The following PRKAR1A variants were observed in gnomAD, a reference collection of about 807,000 sequenced individuals.
PRKAR1A encodes protein kinase cAMP-dependent type I regulatory subunit alpha.
A neutral mutation model predicts 52.0 loss-of-function variants in PRKAR1A; 3 were observed. That is an observed-to-expected ratio of 0.06 (90% CI 0.03 to 0.15). PRKAR1A has a LOEUF of 0.15. Ranked by LOEUF, PRKAR1A falls within the 10% of genes least tolerant of loss-of-function variation. The probability of loss-of-function intolerance (pLI) is 1.00; values close to 1 mark genes in which losing one functional copy is unlikely to be tolerated. For missense variants in PRKAR1A, 240 were observed against 477.4 expected (o/e 0.50, Z 4.63); for synonymous variants, 188 against 168.4 (o/e 1.12, Z -0.90).
chr17:68,464,916 G>A, the PRKAR1A span, among the ~76,000 whole-genome samples: 1,136 of 131,186 alleles, frequency 8.7e-3, 18 homozygotes, highest in African/African-American at 0.031. Context: ...AATGAAAAGG[G>A]TGAGGAAGTG....
At chr17:68,431,456 G>A in the PRKAR1A span, among the ~76,000 whole-genome samples, 1 of 152,084 alleles carries the variant, frequency 6.6e-6, no homozygotes. Flanking sequence ...GGTGGTGGCT[G>A]CTGGGCTCTG....
Position 68,522,803 on chromosome 17 carries a change from A to G in PRKAR1A, c.225A>G (p.Thr75=). The change falls in exon 3 of 11, where the codon ACA becomes ACG. Residue 75 remains threonine, a synonymous_variant. Coordinates refer to ENST00000589228, the MANE Select transcript of PRKAR1A (RefSeq NM_002734.5). ...ATCTGCAGAAAGCAGGCACTCGTAC[A>G]GACTCAAGGGAGGATGAGATTTCTC... The part of the protein sequence containing the change: ...IQNLQKAGTR[T]DSREDEISPP... The G allele has an allele frequency of 6.2e-7, 1 of 1,614,146 alleles. No individual in the cohort carries two copies.
chr17:68,442,855 C>A, the PRKAR1A span, among the ~76,000 whole-genome samples: 22 of 152,198 alleles, frequency 1.4e-4, no homozygotes, highest in Non-Finnish European at 2.9e-4. Context: ...TTGAAGGGAA[C>A]TCGTGACAAC....
the PRKAR1A span, among the ~76,000 whole-genome samples, chr17:68,452,550 GCAAGACT>G: frequency 6.6e-6 from 1 of 152,170 alleles, no homozygotes; most frequent in South Asian, 2.1e-4. Flanking sequence ...GGGTGATAGA[GCAAGACT>G]CCATCTCAAA....
At chr17:68,529,042 AT>A in intron 9 of PRKAR1A, 51 bp downstream of exon 9, 4 of 1,608,598 alleles carry the variant, frequency 2.5e-6, no homozygotes, top group Non-Finnish European at 3.4e-6. Flanking sequence ...AGAACTCAGA[AT>A]TTAATACTTT....
intron 11 of PRKAR1A, chr17:68,540,489 C>T (rs531836349): frequency 3.0e-5 from 14 of 471,476 alleles, no homozygotes; most frequent in East Asian, 6.6e-5. Context: ...CTTGTGTGTC[C>T]GTGGCCTCGC....
At chr17:68,473,427 A>G in the PRKAR1A span, among the ~76,000 whole-genome samples, 1 of 152,220 alleles carries the variant, frequency 6.6e-6, no homozygotes, top group African/African-American at 2.4e-5. Flanking sequence ...CTCACATAGA[A>G]CTGATTAGTG....
intron 11 of PRKAR1A, chr17:68,540,636 A>T: frequency 1.5e-6 from 1 of 668,870 alleles, no homozygotes; most frequent in Non-Finnish European, 2.7e-6. Flanking sequence ...CTGCCTTATG[A>T]GTGACGACCC....
chr17:68,424,443 C>A, the PRKAR1A span: 2 of 534,750 alleles, frequency 3.7e-6, no homozygotes, highest in African/African-American at 3.8e-5. Context: ...GCACTCCATC[C>A]TTTTACAATT....
upstream of PRKAR1A, among the ~76,000 whole-genome samples, chr17:68,507,718 G>A (rs2085215402): frequency 6.6e-6 from 1 of 151,542 alleles, no homozygotes; most frequent in Admixed American, 6.6e-5. Flanking sequence ...AAAAAAAAAA[G>A]ATCTGTGTGG....
intron 11 of PRKAR1A, among the ~76,000 whole-genome samples, chr17:68,549,094 T>C (rs2086713107): frequency 6.6e-6 from 1 of 152,224 alleles, no homozygotes; most frequent in Non-Finnish European, 1.5e-5. Flanking sequence ...TGTTAATTTA[T>C]TTTCCTGCAA....
chr17:68,451,382 C>T, the PRKAR1A span, among the ~76,000 whole-genome samples: 4 of 152,038 alleles, frequency 2.6e-5, no homozygotes, highest in Admixed American at 2.6e-4. Flanking sequence ...TGCAGTGAGC[C>T]GAGATCACAA....
At chr17:68,440,543 T>C in the PRKAR1A span, among the ~76,000 whole-genome samples, 1 of 152,244 alleles carries the variant, frequency 6.6e-6, no homozygotes, top group Non-Finnish European at 1.5e-5. Flanking sequence ...GGCTTTTCAC[T>C]GTTCTGAACA....
chr17:68,421,960 A>G, the PRKAR1A span: 1 of 979,448 alleles, frequency 1.0e-6, no homozygotes, highest in African/African-American at 1.6e-5. Context: ...GAACTCGCTC[A>G]TGGCCACAGA....
At chr17:68,438,434 G>A in the PRKAR1A span, among the ~76,000 whole-genome samples, 1 of 152,200 alleles carries the variant, frequency 6.6e-6, no homozygotes, top group African/African-American at 2.4e-5. Context: ...AACTGGGGAG[G>A]GAAGGCAGTC....
chr17:68,537,800 A>G, downstream of PRKAR1A: 1 of 1,549,614 alleles, frequency 6.5e-7, no homozygotes, highest in East Asian at 2.4e-5. The surrounding 1 kb of genome is among the most constrained non-coding windows in gnomAD (Gnocchi z 4.2). Context: ...AACTTGCCTG[A>G]ACTTCTTTCC....
downstream of PRKAR1A, chr17:68,537,296 T>G (rs1366466419): frequency 1.2e-6 from 1 of 813,558 alleles, no homozygotes; most frequent in Non-Finnish European, 2.0e-6. This position sits in a 1 kb window ranked among gnomAD's most constrained non-coding sequence, Gnocchi z 4.2. Context: ...ACAGAAGCGG[T>G]GCACCAAGGA....
chr17:68,489,230 G>A, the PRKAR1A span, among the ~76,000 whole-genome samples: 198 of 9,582 alleles, frequency 0.021, 1 homozygote, highest in Non-Finnish European at 0.028. Flanking sequence ...ATATATATAT[G>A]GAAAGTATAT....
the PRKAR1A span, chr17:68,427,178 C>G: frequency 6.3e-5 from 101 of 1,613,942 alleles, no homozygotes; most frequent in Non-Finnish European, 3.6e-5. Context: ...TGGCTACGGT[C>G]GCTGCATAAG....
Sources: allele counts gnomAD v4.1 joint callset (sites outside exome capture counted in the v4.1 genomes callset), GRCh38; gene constraint gnomAD v4.1.1; non-coding constraint Gnocchi (gnomAD v3.1); transcripts MANE v1.5; gene names NCBI Gene and HGNC (gene_info 2026-07-23, HGNC 2026-07-21).